The following DLX1 variants were observed in gnomAD, a reference collection of about 807,000 sequenced individuals.
DLX1 encodes the protein homeobox protein DLX-1.
Under a neutral mutation model 25.0 loss-of-function variants are expected in DLX1, and 7 were observed. The ratio of observed to expected loss-of-function variants is 0.28; its 90% CI spans 0.16 to 0.52. The LOEUF is 0.52. Ranked by LOEUF, DLX1 falls within the 20% of genes least tolerant of loss-of-function variation. DLX1 has a pLI of 0.96. For synonymous variants in DLX1, 155 were observed against 140.3 expected, an observed-to-expected ratio of 1.10 and a Z score of -0.74; for missense variants, 233 against 334.4, an observed-to-expected ratio of 0.70 and a Z score of 2.37.
rs1690916195 is a variant in DLX1, at chr2:172,088,836, G to A, written c.*579G>A. On this transcript the variant is annotated 3_prime_UTR_variant, in exon 3 of 3. Coordinates refer to ENST00000361725, the MANE Select transcript of DLX1 (RefSeq NM_178120.5). ...TGGGAATCTGGGGGCATTGGAGGGA[G>A]GGGGTTTTATTTATTGAGAAATGGA... 1.3e-5 allele frequency: 2 copies of A among 152,584 alleles called. No homozygotes were observed. Among genetic ancestry groups the A allele is most frequent in the African/African-American group, 4.8e-5 (2 of 41,440 alleles). The allele number at this position is 152,584 out of a possible 1,614,324, so 9.5% of individuals were successfully genotyped here.
In DLX1 at chr2:172,087,895, G is replaced by C. The variant is rs1009487315; in HGVS notation, c.514-108G>C. ...TGGCAGGGAGCTGCCAGCTGGCGCA[G>C]GGTTGGGAGGTCCTATCTCTGCTGT... On this transcript the variant is annotated intron_variant, in intron 2 of 2. Coordinates refer to ENST00000361725, the MANE Select transcript of DLX1 (RefSeq NM_178120.5). 5 of 1,439,486 alleles carry C rather than the reference G, an allele frequency of 3.5e-6. No homozygotes were observed. The East Asian group carries it at 6.9e-5, about 20-fold the overall frequency. 89.2% of individuals were successfully genotyped at this position (1,439,486 alleles called of 1,614,324 possible).
chr2:172,087,938 C>T (rs1690891198), intron 2 of DLX1, 65 bp from the exon 3 acceptor site: 1 of 1,503,536 alleles, frequency 6.7e-7, no homozygotes, highest in Admixed American at 2.4e-5. Context: ...TCCCTTTTTT[C>T]CTCCCTGTGA....
chr2:172,087,182 C>A, intron 2 of DLX1: 1 of 554,818 alleles, frequency 1.8e-6, no homozygotes. Flanking sequence ...AGACTCCGGG[C>A]TTAATCCCTC....
rs1211408844 is a variant in DLX1, at chr2:172,088,202, C to A, written c.713C>A (p.Thr238Lys). 5 of 1,599,276 alleles carry A rather than the reference C, an allele frequency of 3.1e-6. No homozygotes were observed. The highest frequency in any genetic ancestry group is 3.4e-6 in the Non-Finnish European group (4 of 1,172,512). Residue 238 changes from threonine (T) to lysine (K), a missense_variant, in exon 3 of 3, where the codon ACA becomes AAA. Thr to Lys is a moderately conservative substitution (Grantham distance 78, BLOSUM62 -1). Around this residue, in one of 3 missense-constraint regions of DLX1, gnomAD observed 84 missense variants for 81.8 expected, o/e 1.03. Transcript: ENST00000361725. ...GNAGSYIPSY[T>K]SWYPSAHQEA... ...GCGGGCTCCTATATCCCCAGCTACACATCGTGGTACCCTTCAGCGCACCAA... is the reference window on the plus strand; with the variant it reads ...GCGGGCTCCTATATCCCCAGCTACAAATCGTGGTACCCTTCAGCGCACCAA...
rs368359628 is a variant in DLX1, at chr2:172,087,365, G to A, written c.513+512G>A. On this transcript the variant is annotated intron_variant, in intron 2 of 2. Transcript: ENST00000361725. ...ACGGGACCTTCCTTCCCGGCTTTCTGTAAGACTCCGGGGAGCCCGTGAGCG... is the reference window on the plus strand; with the variant it reads ...ACGGGACCTTCCTTCCCGGCTTTCTATAAGACTCCGGGGAGCCCGTGAGCG... The A allele has an allele frequency of 7.1e-4, 270 of 378,054 alleles. 5 individuals carry two copies. Among genetic ancestry groups the A allele is most frequent in the South Asian group, 5.0e-3 (252 of 50,544 alleles). 23.4% of individuals were successfully genotyped at this position (378,054 alleles called of 1,614,324 possible).
chr2:172,086,400 T>C, intron 1 of DLX1: 2 of 484,850 alleles, frequency 4.1e-6, no homozygotes, highest in Non-Finnish European at 7.2e-6. Flanking sequence ...AAACCTCAAC[T>C]ACCGCCTGCA....
At chr2:172,086,436 G>A (rs772421695) in intron 1 of DLX1, 3 of 496,710 alleles carry the variant, frequency 6.0e-6, no homozygotes, top group Non-Finnish European at 1.1e-5. Flanking sequence ...CCCTGCAAAG[G>A]CAGGAGCTGA....
Position 172,088,431 on chromosome 2 carries a change from C to A in DLX1, c.*174C>A. 3.6e-6 allele frequency: 3 copies of A among 829,438 alleles called. No homozygotes were observed. The highest frequency in any genetic ancestry group is 3.2e-5 in the South Asian group (1 of 31,690). The allele number at this position is 829,438 out of a possible 1,614,324, so 51.4% of individuals were successfully genotyped here. A position where few individuals can be genotyped will look rare whatever the true frequency, so the allele number is the denominator to read the frequency against. ...CGGCCCAGCAACTTCCCGGCATCCG[C>A]GCTCTAGCCTGAACCCTGGCCTGGG... On this transcript the variant is annotated 3_prime_UTR_variant, in exon 3 of 3. Coordinates refer to ENST00000361725, the MANE Select transcript of DLX1 (RefSeq NM_178120.5).
At position 172,088,378 on chromosome 2, in the gene DLX1, C is replaced by T. The variant is rs1690904627; in HGVS notation, c.*121C>T. 3 of 1,279,892 alleles carry T rather than the reference C, an allele frequency of 2.3e-6. No homozygotes were observed. In the African/African-American group the frequency reaches 4.6e-5, roughly 20 times the overall value. 79.3% of individuals were successfully genotyped at this position (1,279,892 alleles called of 1,614,324 possible). The stretch of plus-strand genomic sequence containing the variant: ...GAAGGAACAGTGGAGGCGGGACGCC[C>T]TCCATCTCCTCGGAGCCCCGCGAGG... On this transcript the variant is annotated 3_prime_UTR_variant, in exon 3 of 3. Transcript: ENST00000361725.
Position 172,086,648 on chromosome 2 carries a change from C to T in DLX1, c.314-6C>T. 1.3e-6 allele frequency: 2 copies of T among 1,529,460 alleles called. No individual in the cohort carries two copies. Among genetic ancestry groups the T allele is most frequent in the Non-Finnish European group, 1.8e-6 (2 of 1,138,270 alleles). 94.7% of individuals were successfully genotyped at this position (1,529,460 alleles called of 1,614,324 possible). A position where few individuals can be genotyped will look rare whatever the true frequency, so the allele number is the denominator to read the frequency against. ...ACAACGGGCCCTACTTCTGCTGTCC[C>T]TCCAGGGGCGGACTCGGAGAAGAGC... On this transcript the variant is annotated splice_region_variant and splice_polypyrimidine_tract_variant and intron_variant, in intron 1 of 2. Coordinates refer to ENST00000361725, the MANE Select transcript of DLX1 (RefSeq NM_178120.5).
At position 172,088,281 on chromosome 2, in the gene DLX1, G is replaced by T; in HGVS notation, c.*24G>T. 6.9e-7 allele frequency: 1 copy of T among 1,439,850 alleles called. No individual in the cohort carries two copies. The highest frequency in any genetic ancestry group is 9.2e-7 in the Non-Finnish European group (1 of 1,087,290). The allele number at this position is 1,439,850 out of a possible 1,614,324, so 89.2% of individuals were successfully genotyped here. A position where few individuals can be genotyped will look rare whatever the true frequency, so the allele number is the denominator to read the frequency against. The stretch of plus-strand genomic sequence containing the variant: ...GAGGTTGCCCGCCCGTCTCCTTCTT[G>T]TCTCCCCGGCCCAGGTCCCTCCCGC... On this transcript the variant is annotated 3_prime_UTR_variant, in exon 3 of 3. Transcript: ENST00000361725.
Position 172,085,739 on chromosome 2 carries a change from T to C in DLX1, c.62T>C (p.Met21Thr), listed in dbSNP as rs1221439628. The C allele has an allele frequency of 6.2e-7, 1 of 1,614,126 alleles. No individual in the cohort carries two copies. The highest frequency in any genetic ancestry group is 8.5e-7 in the Non-Finnish European group (1 of 1,180,018). Reference sequence around the variant, plus strand: ...CCCGTGTCGGGCAAGGCGGTGTTTATGGAGTTTGGGCCGCCCAACCAGCAA... The same window carrying C: ...CCCGTGTCGGGCAAGGCGGTGTTTACGGAGTTTGGGCCGCCCAACCAGCAA... ...NSPVSGKAVF[M>T]EFGPPNQQMS... The change falls in exon 1 of 3, where the codon ATG becomes ACG. Residue 21 changes from methionine (M) to threonine (T), a missense_variant. Around this residue, in one of 3 missense-constraint regions of DLX1, gnomAD observed 126 missense variants for 170.4 expected, o/e 0.74. Coordinates refer to ENST00000361725, the MANE Select transcript of DLX1 (RefSeq NM_178120.5). The surrounding 1 kb of genome is among the most constrained non-coding windows in gnomAD (Gnocchi z 4.3).
intron 1 of DLX1, 37 bp from the exon 2 acceptor site, chr2:172,086,617 G>A (rs1432684069): frequency 6.6e-6 from 10 of 1,509,418 alleles, no homozygotes; most frequent in Non-Finnish European, 8.9e-6. Flanking sequence ...GCGGCCCCTC[G>A]TATTAACAAC....
rs762429246 is a variant in DLX1 at position 172,086,022 on chromosome 2, G to A, written c.313+32G>A. ...GCGCTTGCCAGGGAGAGGGAGAGGA[G>A]GAGGTACAAGGGAGAGAGGGAAAGA... On this transcript the variant is annotated intron_variant, in intron 1 of 2. Coordinates refer to ENST00000361725, the MANE Select transcript of DLX1 (RefSeq NM_178120.5). 2.5e-6 allele frequency: 4 copies of A among 1,582,980 alleles called. No homozygotes were observed. The East Asian group carries it at 6.8e-5, about 27-fold the overall frequency.
At position 172,089,381 on chromosome 2, in the gene DLX1, A is replaced by G. The variant is rs1327938194; in HGVS notation, c.*1124A>G. On this transcript the variant is annotated 3_prime_UTR_variant, in exon 3 of 3. Transcript: ENST00000361725. Reference sequence around the variant, plus strand: ...TCTAATGACTGTACATATTATTGTTATTATTATTATTGTTATTATTGTTGT... The same window carrying G: ...TCTAATGACTGTACATATTATTGTTGTTATTATTATTGTTATTATTGTTGT... 1 of 150,848 alleles carries G rather than the reference A, an allele frequency of 6.6e-6. No homozygotes were observed. Among genetic ancestry groups the G allele is most frequent in the African/African-American group, 2.5e-5 (1 of 39,928 alleles). The allele number at this position is 150,848 out of a possible 1,614,324, so 9.3% of individuals were successfully genotyped here.
rs1001547316 is a variant in DLX1, at chr2:172,089,068, A to G, written c.*811A>G. On this transcript the variant is annotated 3_prime_UTR_variant, in exon 3 of 3. Coordinates refer to ENST00000361725, the MANE Select transcript of DLX1 (RefSeq NM_178120.5). ...TTTTTTACATGTCCGACATTATTTA[A>G]TAAATAATTTTTAAAAGAAAAGAAC... is the stretch of plus-strand genomic sequence containing the variant. 3.3e-5 allele frequency: 5 copies of G among 152,204 alleles called. No homozygotes were observed. Among genetic ancestry groups the G allele is most frequent in the African/African-American group, 1.2e-4 (5 of 41,440 alleles). The allele number at this position is 152,204 out of a possible 1,614,324, so 9.4% of individuals were successfully genotyped here. A position where few individuals can be genotyped will look rare whatever the true frequency, so the allele number is the denominator to read the frequency against.
chr2:172,088,110 T>C lies in DLX1; in HGVS notation c.621T>C (p.Ala207=). ...SALANGRALS[A]GSPPVPPGWN... is the part of the protein sequence containing the mutation. Reference sequence around the variant, plus strand: ...TGGCCAACGGTCGGGCCCTGTCTGCTGGCTCCCCACCCGTGCCGCCCGGCT... The same window carrying C: ...TGGCCAACGGTCGGGCCCTGTCTGCCGGCTCCCCACCCGTGCCGCCCGGCT... Residue 207 remains alanine, a synonymous_variant, in exon 3 of 3, where the codon GCT becomes GCC. Transcript: ENST00000361725. The C allele has an allele frequency of 6.2e-7, 1 of 1,607,248 alleles. No individual in the cohort carries two copies. Among genetic ancestry groups the C allele is most frequent in the Non-Finnish European group, 8.5e-7 (1 of 1,176,684 alleles).
chr2:172,088,038 C>T lies in DLX1; in HGVS notation c.549C>T (p.Phe183=). 6.6e-7 allele frequency: 1 copy of T among 1,523,772 alleles called. No individual in the cohort carries two copies. Among genetic ancestry groups the T allele is most frequent in the Non-Finnish European group, 8.8e-7 (1 of 1,136,534 alleles). The allele number at this position is 1,523,772 out of a possible 1,614,324, so 94.4% of individuals were successfully genotyped here. Residue 183 remains phenylalanine, a synonymous_variant, in exon 3 of 3, where the codon TTC becomes TTT. Coordinates refer to ENST00000361725, the MANE Select transcript of DLX1 (RefSeq NM_178120.5). ...KIWFQNKRSK[F]KKLMKQGGAA... Reference sequence around the variant, plus strand: ...GGTTCCAAAACAAGCGATCCAAGTTCAAGAAGCTGATGAAGCAGGGTGGGG... The same window carrying T: ...GGTTCCAAAACAAGCGATCCAAGTTTAAGAAGCTGATGAAGCAGGGTGGGG...
In DLX1 at chr2:172,089,393, G is replaced by A. The variant is rs1197574958; in HGVS notation, c.*1136G>A. On this transcript the variant is annotated 3_prime_UTR_variant, in exon 3 of 3. Transcript: ENST00000361725. ...ACATATTATTGTTATTATTATTATT[G>A]TTATTATTGTTGTTCTGTAAACATG... 6.6e-6 allele frequency: 1 copy of A among 152,416 alleles called. No homozygotes were observed. Among genetic ancestry groups the A allele is most frequent in the Non-Finnish European group, 1.5e-5 (1 of 67,998 alleles). The allele number at this position is 152,416 out of a possible 1,614,324, so 9.4% of individuals were successfully genotyped here. A position where few individuals can be genotyped will look rare whatever the true frequency, so the allele number is the denominator to read the frequency against.
Sources: gnomAD v4.1 joint callset for allele counts on GRCh38, gnomAD v4.1.1 for gene constraint, gnomAD v4.1.1 regional missense constraint, Gnocchi (gnomAD v3.1) non-coding constraint, MANE v1.5 for transcripts, NCBI Gene and HGNC (gene_info 2026-07-23, HGNC 2026-07-21) for gene names.